The following GRM4 variants were observed in gnomAD, a reference collection of about 807,000 sequenced individuals.
GRM4 encodes the protein metabotropic glutamate receptor 4.
A neutral mutation model predicts 81.7 loss-of-function variants in GRM4; 28 were observed. That is an observed-to-expected ratio of 0.34 (90% CI 0.25 to 0.47). GRM4 has a LOEUF of 0.47. GRM4 is among the 20% of genes least tolerant of loss of function. The probability of loss-of-function intolerance (pLI) is 1.00; values close to 1 mark genes in which losing one functional copy is unlikely to be tolerated. For missense variants in GRM4, 948 were observed against 1,290.0 expected (o/e 0.73, Z 4.06); for synonymous variants, 488 against 528.8 (o/e 0.92, Z 1.06).
intron 2 of GRM4, among the ~76,000 whole-genome samples, chr6:34,095,655 G>A (rs1364301608): frequency 1.3e-5 from 2 of 151,576 alleles, no homozygotes; most frequent in African/African-American, 2.4e-5. Flanking sequence ...GGCAGCAATC[G>A]CCTTCTCTTG....
chr6:34,093,143 G>C (rs1311183998), intron 2 of GRM4, among the ~76,000 whole-genome samples: 6 of 152,218 alleles, frequency 3.9e-5, no homozygotes, highest in African/African-American at 1.4e-4. Context: ...GAATCACTCA[G>C]ATTCAATCCT....
Position 34,048,448 on chromosome 6 carries a change from A to AGGGGCT in GRM4, c.1169-7706_1169-7701dup, listed in dbSNP as rs1347712328. Reference sequence around the variant, plus strand: ...CTGGGGCTCAGCTCTCCCACACAGGAGGGGCTGGGGCTGGGGGTGGGGGAA... The same window carrying AGGGGCT: ...CTGGGGCTCAGCTCTCCCACACAGGAGGGGCTGGGGCTGGGGCTGGGGGTGGGGGAA... On this transcript the variant is annotated intron_variant, in intron 6 of 10. Transcript: ENST00000538487. The surrounding 1 kb of genome is among the most constrained non-coding windows in gnomAD (Gnocchi z 4.0). Among the ~76,000 whole-genome samples, 1 of 139,166 alleles carries AGGGGCT rather than the reference A, an allele frequency of 7.2e-6. No homozygotes were observed. The highest frequency in any genetic ancestry group is 1.6e-5 in the Non-Finnish European group (1 of 63,538). 91.3% of individuals were successfully genotyped at this position (139,166 alleles called of 152,430 possible). A position where few individuals can be genotyped will look rare whatever the true frequency, so the allele number is the denominator to read the frequency against.
intron 2 of GRM4, among the ~76,000 whole-genome samples, chr6:34,132,457 T>A (rs1770280144): frequency 6.6e-6 from 1 of 152,160 alleles, no homozygotes; most frequent in South Asian, 2.1e-4. Context: ...AAGAAAAACA[T>A]CTTTCTTGGG....
chr6:34,110,727 C>A (rs1005253066), intron 2 of GRM4: 1 of 1,511,324 alleles, frequency 6.6e-7, no homozygotes, highest in African/African-American at 1.4e-5. Flanking sequence ...GGGTGCTGGG[C>A]TGGTAGCACC....
At chr6:34,044,773 T>C (rs111162046) in intron 6 of GRM4, among the ~76,000 whole-genome samples, 9 of 122,860 alleles carry the variant, frequency 7.3e-5, no homozygotes, top group African/African-American at 1.8e-4. Flanking sequence ...CACATAGACA[T>C]ACACATACAC....
At chr6:34,076,611 G>A (rs1384973250) in intron 3 of GRM4, among the ~76,000 whole-genome samples, 1 of 152,196 alleles carries the variant, frequency 6.6e-6, no homozygotes, top group East Asian at 1.9e-4. Flanking sequence ...GGAGGGGGTG[G>A]TAACAGGATG....
In GRM4 at chr6:34,136,714, A is replaced by G. The variant is rs993804743; in HGVS notation, c.-363-2855T>C. Among the ~76,000 whole-genome samples, 3 of 152,024 alleles carry G rather than the reference A, an allele frequency of 2.0e-5. No individual in the cohort carries two copies. On this transcript the variant is annotated intron_variant, in intron 1 of 10. Transcript: ENST00000538487. The surrounding 1 kb of genome is among the most constrained non-coding windows in gnomAD (Gnocchi z 4.1). Reference sequence around the variant, plus strand: ...CCTCAAGCTGGTCAGATCCCCTGCGAGACTTCCCTCCCACAGGACTGGGTC... The same window carrying G: ...CCTCAAGCTGGTCAGATCCCCTGCGGGACTTCCCTCCCACAGGACTGGGTC...
At chr6:34,091,749 GC>G in intron 3 of GRM4, 133 bp downstream of exon 3, 1 of 666,512 alleles carries the variant, frequency 1.5e-6, no homozygotes, top group Non-Finnish European at 2.6e-6. Flanking sequence ...CAAAGAAGAG[GC>G]CGAGGCCCAC....
chr6:34,080,719 G>C lies in GRM4; in HGVS notation c.736+11164C>G, dbSNP rs1466514453. On this transcript the variant is annotated intron_variant, in intron 3 of 10. Coordinates refer to ENST00000538487, the MANE Select transcript of GRM4 (RefSeq NM_000841.4). This position sits in a 1 kb window ranked among gnomAD's most constrained non-coding sequence, Gnocchi z 5.4. Reference sequence around the variant, plus strand: ...AGAGCAGTGGCTGCCAGGGGATTCAGCCCTCCCAGACCACTTTCAGAAAGG... The same window carrying C: ...AGAGCAGTGGCTGCCAGGGGATTCACCCCTCCCAGACCACTTTCAGAAAGG... Among the ~76,000 whole-genome samples, 1 of 152,004 alleles carries C rather than the reference G, an allele frequency of 6.6e-6. No homozygotes were observed. The highest frequency in any genetic ancestry group is 1.5e-5 in the Non-Finnish European group (1 of 68,004).
rs1418063167 is a variant in GRM4 at position 34,042,681 on chromosome 6, C to A, written c.1169-1933G>T. On this transcript the variant is annotated intron_variant, in intron 6 of 10. Coordinates refer to ENST00000538487, the MANE Select transcript of GRM4 (RefSeq NM_000841.4). The surrounding 1 kb of genome is among the most constrained non-coding windows in gnomAD (Gnocchi z 4.2). ...GGTGCACACCTGCACCTGTGTCCTG[C>A]CCCCATAGGCCAGGGTTAAGCTGGG... 6.6e-6 allele frequency among the ~76,000 whole-genome samples: 1 copy of A among 152,186 alleles called. No homozygotes were observed. Among genetic ancestry groups the A allele is most frequent in the Non-Finnish European group, 1.5e-5 (1 of 68,016 alleles).
exon 1 of GRM4, chr6:34,155,215 C>G: frequency 1.3e-6 from 2 of 1,535,510 alleles, no homozygotes; most frequent in Non-Finnish European, 1.7e-6. Flanking sequence ...GCCTCTTGTG[C>G]GCACCCACAC....
Position 34,040,288 on chromosome 6 carries a change from T to G in GRM4, c.1396A>C (p.Asn466His), listed in dbSNP as rs1764938641. The change falls in exon 8 of 11, where the codon AAT becomes CAT. Residue 466 changes from asparagine (N) to histidine (H), a missense_variant. Transcript: ENST00000538487. Reference sequence around the variant, plus strand: ...CGCCCAGGCGCATCTCCATTCTCATTGAAGGTCACAGGGTTCCCTGCGATG... The same window carrying G: ...CGCCCAGGCGCATCTCCATTCTCATGGAAGGTCACAGGGTTCCCTGCGATG... The part of the protein sequence containing the change: ...SGIAGNPVTF[N>H]ENGDAPGRYD... The G allele has an allele frequency of 1.2e-6, 2 of 1,614,212 alleles. No individual in the cohort carries two copies. Among genetic ancestry groups the G allele is most frequent in the Non-Finnish European group, 1.7e-6 (2 of 1,180,012 alleles).
rs990946572 is a variant in GRM4, at chr6:34,136,021, G to A, written c.-363-2162C>T. Among the ~76,000 whole-genome samples, 5 of 152,192 alleles carry A rather than the reference G, an allele frequency of 3.3e-5. No individual in the cohort carries two copies. Among genetic ancestry groups the A allele is most frequent in the African/African-American group, 9.6e-5 (4 of 41,464 alleles). On this transcript the variant is annotated intron_variant, in intron 1 of 10. Transcript: ENST00000538487. This position sits in a 1 kb window ranked among gnomAD's most constrained non-coding sequence, Gnocchi z 4.1. Reference sequence around the variant, plus strand: ...AGATGCTAACTGGCCAGCTGTGGGTGGGAGAGCCTGCACAGTTAAACACCA... The same window carrying A: ...AGATGCTAACTGGCCAGCTGTGGGTAGGAGAGCCTGCACAGTTAAACACCA...
rs1368584378 is a variant in GRM4, at chr6:34,036,293, A to C, written c.1817T>G (p.Val606Gly). 5.6e-6 allele frequency: 9 copies of C among 1,614,014 alleles called. No homozygotes were observed. Among genetic ancestry groups the C allele is most frequent in the Non-Finnish European group, 7.6e-6 (9 of 1,180,024 alleles). ...VVGIAATLFV[V>G]ITFVRYNDTP... ...GTCGTTGTAGCGCACAAAGGTGATC[A>C]CCACGAACAACGTGGCAGCGATGCC... is the stretch of plus-strand genomic sequence containing the variant. The change falls in exon 9 of 11, where the codon GTG (valine) becomes GGG (glycine). Residue 606 changes from valine to glycine, a missense_variant. By Grantham distance (109) the Val-to-Gly change is moderately radical. Coordinates refer to ENST00000538487, the MANE Select transcript of GRM4 (RefSeq NM_000841.4). This position sits in a 1 kb window ranked among gnomAD's most constrained non-coding sequence, Gnocchi z 9.0.
intron 2 of GRM4, among the ~76,000 whole-genome samples, chr6:34,122,090 T>C (rs1581718950): frequency 6.6e-6 from 1 of 151,970 alleles, no homozygotes; most frequent in Non-Finnish European, 1.5e-5. Flanking sequence ...CTGGGATGTG[T>C]CCCACAGGGA....
chr6:34,122,258 A>C (rs2499727), intron 2 of GRM4, among the ~76,000 whole-genome samples: 2,457 of 151,960 alleles, frequency 0.016, 64 homozygotes, highest in African/African-American at 0.051. Context: ...CACCAGGGGG[A>C]AGAAAGAGAT....
At chr6:34,060,790 C>T (rs892238887) in intron 4 of GRM4, 3 of 152,254 alleles carry the variant, frequency 2.0e-5, no homozygotes, top group Admixed American at 6.5e-5. Context: ...CCTCAAGGGA[C>T]TGGGTGCCGC....
intron 2 of GRM4, among the ~76,000 whole-genome samples, chr6:34,107,191 A>G (rs1383325148): frequency 6.6e-6 from 1 of 152,114 alleles, no homozygotes; most frequent in Non-Finnish European, 1.5e-5. Context: ...CTGTCCTTGG[A>G]CACTGGCGGC....
intron 2 of GRM4, among the ~76,000 whole-genome samples, chr6:34,123,265 CCAGG>C (rs1310494536): frequency 6.6e-6 from 1 of 152,172 alleles, no homozygotes; most frequent in African/African-American, 2.4e-5. Flanking sequence ...CCAGAGGACC[CCAGG>C]TCAGTAAGTC....
Sources: allele counts gnomAD v4.1 joint callset (sites outside exome capture counted in the v4.1 genomes callset), GRCh38; gene constraint gnomAD v4.1.1; non-coding constraint Gnocchi (gnomAD v3.1); transcripts MANE v1.5; gene names NCBI Gene and HGNC (gene_info 2026-07-23, HGNC 2026-07-21).